The following STXBP5L variants were observed in gnomAD, a reference collection of about 807,000 sequenced individuals.
The protein encoded by STXBP5L is syntaxin-binding protein 5-like.
A neutral mutation model predicts 144.5 loss-of-function variants in STXBP5L; 65 were observed. The observed-to-expected ratio is 0.45, with a 90% CI of 0.37 to 0.55. The LOEUF (loss-of-function observed/expected upper bound fraction) is 0.55, where lower values mean the gene tolerates loss of function less well. STXBP5L is among the 20% of genes least tolerant of loss of function. The pLI is 0.00. For synonymous variants in STXBP5L, 505 were observed against 469.6 expected (o/e 1.08, Z -0.97); for missense variants, 1,298 against 1,405.5 (o/e 0.92, Z 1.22).
chr3:121,092,997 G>T (rs1454386211), intron 5 of STXBP5L, among the ~76,000 whole-genome samples: 1 of 152,178 alleles, frequency 6.6e-6, no homozygotes, highest in Non-Finnish European at 1.5e-5. Flanking sequence ...GTTGAATTTT[G>T]TCAAAGGCCT....
intron 7 of STXBP5L, among the ~76,000 whole-genome samples, chr3:121,141,626 A>G (rs1004995730): frequency 6.6e-6 from 1 of 152,200 alleles, no homozygotes. Flanking sequence ...TGACAACAAT[A>G]CTATAAAGTA....
chr3:121,163,756 G>A (rs1457239023), intron 9 of STXBP5L, among the ~76,000 whole-genome samples: 2 of 151,382 alleles, frequency 1.3e-5, no homozygotes, highest in African/African-American at 4.9e-5. Context: ...TAAATAAAAC[G>A]TTGAATATAT....
intron 24 of STXBP5L, among the ~76,000 whole-genome samples, chr3:121,415,542 G>A (rs1245682192): frequency 6.6e-6 from 1 of 152,120 alleles, no homozygotes; most frequent in Admixed American, 6.6e-5. Flanking sequence ...ACTGAAAAAG[G>A]ATCAGAAGTC....
intron 3 of STXBP5L, among the ~76,000 whole-genome samples, chr3:120,980,558 C>G (rs1257073196): frequency 6.6e-6 from 1 of 150,942 alleles, no homozygotes; most frequent in Admixed American, 6.6e-5. Flanking sequence ...CATAAAATAT[C>G]TGTTTCTACT....
Position 121,280,531 on chromosome 3 carries a change from G to A in STXBP5L, c.2110+575G>A, listed in dbSNP as rs999972697. On this transcript the variant is annotated intron_variant, in intron 19 of 26. Coordinates refer to ENST00000471454, the MANE Select transcript of STXBP5L (RefSeq NM_001308330.2). ...TTTTTCTTGGAAGGATCAATAAATC[G>A]ATGTATTTAACTATAAAAGAAAATA... is the stretch of plus-strand genomic sequence containing the variant. Among the ~76,000 whole-genome samples, 11 of 151,864 alleles carry A rather than the reference G, an allele frequency of 7.2e-5. No individual in the cohort carries two copies. In the South Asian group the frequency reaches 1.0e-3, roughly 14 times the overall value.
intron 22 of STXBP5L, among the ~76,000 whole-genome samples, chr3:121,400,715 G>A (rs957811244): frequency 1.3e-5 from 2 of 152,158 alleles, no homozygotes; most frequent in Non-Finnish European, 2.9e-5. Flanking sequence ...TGCTCCCTCA[G>A]GTCTGGTCTG....
intron 19 of STXBP5L, among the ~76,000 whole-genome samples, chr3:121,302,691 C>T (rs1408615741): frequency 6.6e-6 from 1 of 151,926 alleles, no homozygotes; most frequent in African/African-American, 2.4e-5. Context: ...AGATATAGAC[C>T]AATGGAACAG....
chr3:121,049,070 C>T (rs1242909720), intron 5 of STXBP5L, among the ~76,000 whole-genome samples: 1 of 152,114 alleles, frequency 6.6e-6, no homozygotes, highest in Non-Finnish European at 1.5e-5. Context: ...TGCTACTAGC[C>T]TGAGAGCCTA....
intron 3 of STXBP5L, among the ~76,000 whole-genome samples, chr3:120,983,914 G>A (rs1312816234): frequency 6.6e-6 from 1 of 152,192 alleles, no homozygotes; most frequent in Admixed American, 6.5e-5. Context: ...GCACCTACTA[G>A]CTGCATCTGG....
chr3:120,963,566 G>A (rs1939145857), intron 3 of STXBP5L, among the ~76,000 whole-genome samples: 1 of 152,140 alleles, frequency 6.6e-6, no homozygotes, highest in African/African-American at 2.4e-5. Flanking sequence ...TTATTTGATG[G>A]ATTATGTTTA....
intron 20 of STXBP5L, among the ~76,000 whole-genome samples, chr3:121,331,012 C>T (rs2044304811): frequency 6.6e-6 from 1 of 152,184 alleles, no homozygotes; most frequent in Non-Finnish European, 1.5e-5. Flanking sequence ...CCACTACCAT[C>T]CTGAAGCGTG....
At position 121,088,016 on chromosome 3, in the gene STXBP5L, C is replaced by A. The variant is rs950141972; in HGVS notation, c.471-26909C>A. On this transcript the variant is annotated intron_variant, in intron 5 of 26. Coordinates refer to ENST00000471454, the MANE Select transcript of STXBP5L (RefSeq NM_001308330.2). ...TCCCTATATATATTATGAACCACAT[C>A]AGACTATGTTATTTCAGCTTTAACC... Among the ~76,000 whole-genome samples the A allele has an allele frequency of 1.5e-4, 23 of 152,128 alleles. No homozygotes were observed. In the South Asian group the frequency reaches 1.7e-3, roughly 11 times the overall value.
chr3:121,048,930 G>T (rs1363301833), intron 5 of STXBP5L, among the ~76,000 whole-genome samples: 1 of 152,108 alleles, frequency 6.6e-6, no homozygotes, highest in Non-Finnish European at 1.5e-5. Context: ...TTGTGCTAGA[G>T]GTTTGTATCG....
Position 121,419,742 on chromosome 3 carries a change from A to G in STXBP5L, c.*645A>G, listed in dbSNP as rs1424622207. 6.6e-6 allele frequency: 1 copy of G among 152,250 alleles called. No individual in the cohort carries two copies. Among genetic ancestry groups the G allele is most frequent in the East Asian group, 1.9e-4 (1 of 5,200 alleles). 9.4% of individuals were successfully genotyped at this position (152,250 alleles called of 1,614,324 possible). On this transcript the variant is annotated 3_prime_UTR_variant, in exon 27 of 27. Coordinates refer to ENST00000471454, the MANE Select transcript of STXBP5L (RefSeq NM_001308330.2). Reference sequence around the variant, plus strand: ...TTAATGTTCTCTCTCCATGTTTTACATCATTCACAGTTGTGTCAAAATCAA... The same window carrying G: ...TTAATGTTCTCTCTCCATGTTTTACGTCATTCACAGTTGTGTCAAAATCAA...
chr3:121,196,149 T>C, intron 9 of STXBP5L, among the ~76,000 whole-genome samples: 1 of 151,962 alleles, frequency 6.6e-6, no homozygotes, highest in East Asian at 1.9e-4. Context: ...AGCATGGGGA[T>C]TTTAACAATA....
intron 7 of STXBP5L, among the ~76,000 whole-genome samples, chr3:121,122,038 T>TTATGCCTA (rs1413087559): frequency 2.6e-5 from 4 of 151,044 alleles, no homozygotes; most frequent in Non-Finnish European, 5.9e-5. Flanking sequence ...GTTACTCAGT[T>TTATGCCTA]TGGTAATGAA....
intron 24 of STXBP5L, among the ~76,000 whole-genome samples, 156 bp from the exon 25 acceptor site, chr3:121,415,701 G>C (rs1486897734): frequency 6.6e-6 from 1 of 152,202 alleles, no homozygotes; most frequent in Non-Finnish European, 1.5e-5. Flanking sequence ...AGAAATGCCA[G>C]AGGGAGAACT....
At chr3:121,187,350 A>G (rs192677020) in intron 9 of STXBP5L, among the ~76,000 whole-genome samples, 101 of 145,650 alleles carry the variant, frequency 6.9e-4, no homozygotes, top group African/African-American at 2.4e-3. Flanking sequence ...GAATTGAACA[A>G]AGAGAACACA....
intron 20 of STXBP5L, among the ~76,000 whole-genome samples, chr3:121,361,021 T>G (rs1409649766): frequency 6.6e-6 from 1 of 152,132 alleles, no homozygotes; most frequent in African/African-American, 2.4e-5. Flanking sequence ...TAGGAAAGTC[T>G]TTATTAGTTC....
Sources: gnomAD v4.1 joint callset for allele counts (sites outside exome capture counted in the v4.1 genomes callset) on GRCh38, gnomAD v4.1.1 for gene constraint, MANE v1.5 for transcripts, NCBI Gene and HGNC (gene_info 2026-07-23, HGNC 2026-07-21) for gene names.